Variants in LAIR1 observed in about 807,000 individuals in gnomAD.
LAIR1 encodes leukocyte-associated immunoglobulin-like receptor 1.
A neutral mutation model predicts 32.8 loss-of-function variants in LAIR1; 24 were observed. The ratio of observed to expected loss-of-function variants is 0.73; its 90% CI spans 0.53 to 1.03. LAIR1 has a LOEUF of 1.03. Ranked by LOEUF, LAIR1 falls within the 50% of genes least tolerant of loss-of-function variation. LAIR1 has a pLI of 0.00. For synonymous variants in LAIR1, 150 were observed against 140.5 expected, an observed-to-expected ratio of 1.07 and a Z score of -0.48; for missense variants, 355 against 347.5, an observed-to-expected ratio of 1.02 and a Z score of -0.17.
At chr19:54,357,110 G>C (rs1377868205) in intron 4 of LAIR1, 144 bp from the exon 5 acceptor site, 2 of 660,910 alleles carry the variant, frequency 3.0e-6, no homozygotes, top group Non-Finnish European at 5.2e-6. Flanking sequence ...CCGACCAGCA[G>C]AGTCTTCTGT....
At chr19:54,367,694 C>T (rs1276518287), upstream of LAIR1, among the ~76,000 whole-genome samples, 5 of 151,230 alleles carry the variant, frequency 3.3e-5, no homozygotes, top group East Asian at 3.9e-4. Context: ...TGCAGTGAGC[C>T]GAGATCGTGC....
In LAIR1 at chr19:54,356,476, G is replaced by A. The variant is rs935196793; in HGVS notation, c.583+15C>T. ...ACAGCTTCCCAGGTCACCCCACCCT[G>A]CCCCTGAGACCTACCCTGCTTTATC... On this transcript the variant is annotated intron_variant, in intron 6 of 9. Transcript: ENST00000391742. 5.0e-6 allele frequency: 8 copies of A among 1,613,624 alleles called. No individual in the cohort carries two copies. In the South Asian group the frequency reaches 7.7e-5, roughly 16 times the overall value.
chr19:54,367,922 G>A (rs1342445343), upstream of LAIR1, among the ~76,000 whole-genome samples: 11 of 149,574 alleles, frequency 7.4e-5, no homozygotes, highest in African/African-American at 1.2e-4. Context: ...ACAGGCGCCC[G>A]CCACCACGCC....
chr19:54,364,173 G>C lies in LAIR1; in HGVS notation c.70+122C>G, dbSNP rs907189919. The stretch of plus-strand genomic sequence containing the variant: ...ATGCATTTTACATTTGGAAGAGTTT[G>C]CAATCTAGGGTATATTTAAAGGGAT... On this transcript the variant is annotated intron_variant, in intron 2 of 9. Transcript: ENST00000391742. This position sits in a 1 kb window ranked among gnomAD's most constrained non-coding sequence, Gnocchi z 4.8. 1.8e-6 allele frequency: 2 copies of C among 1,137,468 alleles called. No individual in the cohort carries two copies. Among genetic ancestry groups the C allele is most frequent in the Non-Finnish European group, 2.6e-6 (2 of 776,466 alleles). The allele number at this position is 1,137,468 out of a possible 1,614,324, so 70.5% of individuals were successfully genotyped here. A position where few individuals can be genotyped will look rare whatever the true frequency, so the allele number is the denominator to read the frequency against.
Position 54,361,037 on chromosome 19 carries a change from C to T in LAIR1, c.243G>A (p.Glu81=), listed in dbSNP as rs2081995180. ...AGTCAATGCGGAATCTGGCCTCTGACTCAGATGGACTAGCTTGAGACACAT... is the reference window on the plus strand; with the variant it reads ...AGTCAATGCGGAATCTGGCCTCTGATTCAGATGGACTAGCTTGAGACACAT... ...TEDVSQASPS[E]SEARFRIDSV... The change falls in exon 3 of 10, where the codon GAG becomes GAA. Residue 81 remains glutamate, a synonymous_variant. Transcript: ENST00000391742. 1 of 1,614,130 alleles carries T rather than the reference C, an allele frequency of 6.2e-7. No homozygotes were observed. The highest frequency in any genetic ancestry group is 8.5e-7 in the Non-Finnish European group (1 of 1,180,058).
At chr19:54,358,282 A>G (rs1468049410) in intron 4 of LAIR1, 1 of 149,228 alleles carries the variant, frequency 6.7e-6, no homozygotes, top group African/African-American at 2.5e-5. Flanking sequence ...TTATTATACT[A>G]TATATTGTAA....
rs556934945 is a variant in LAIR1, at chr19:54,364,784, G to T, written c.21C>A (p.Ala7=). The change falls in exon 1 of 10, where the codon GCC becomes GCA. Residue 7 remains alanine, a synonymous_variant. Transcript: ENST00000391742. The surrounding 1 kb of genome is among the most constrained non-coding windows in gnomAD (Gnocchi z 4.8). Reference sequence around the variant, plus strand: ...TCCAGGACTCACCTAGGCCCAGGAGGGCGGTGGGGTGGGGAGACATGGCCC... The same window carrying T: ...TCCAGGACTCACCTAGGCCCAGGAGTGCGGTGGGGTGGGGAGACATGGCCC... MSPHPT[A]LLGLVLCLAQ... 6.2e-7 allele frequency: 1 copy of T among 1,614,046 alleles called. No homozygotes were observed. Among genetic ancestry groups the T allele is most frequent in the South Asian group, 1.1e-5 (1 of 91,076 alleles).
upstream of LAIR1, among the ~76,000 whole-genome samples, chr19:54,367,614 T>C (rs528147902): frequency 2.4e-3 from 366 of 150,234 alleles, no homozygotes; most frequent in Non-Finnish European, 3.2e-3. Context: ...GGCGTGGTGG[T>C]GGGCGCCTGT....
Position 54,364,377 on chromosome 19 carries a change from T to C in LAIR1, c.35-47A>G. 1.2e-6 allele frequency: 2 copies of C among 1,612,922 alleles called. No individual in the cohort carries two copies. Among genetic ancestry groups the C allele is most frequent in the Non-Finnish European group, 1.7e-6 (2 of 1,178,944 alleles). Reference sequence around the variant, plus strand: ...GAAAAATGCCCAGTGCCCAGTCTCCTTACGGGGCTGCTGTCAAAAGGGGGC... The same window carrying C: ...GAAAAATGCCCAGTGCCCAGTCTCCCTACGGGGCTGCTGTCAAAAGGGGGC... On this transcript the variant is annotated intron_variant, in intron 1 of 9. Transcript: ENST00000391742. The surrounding 1 kb of genome is among the most constrained non-coding windows in gnomAD (Gnocchi z 4.8).
chr19:54,371,283 GTA>G (rs369139805), upstream of LAIR1, among the ~76,000 whole-genome samples: 2 of 150,282 alleles, frequency 1.3e-5, no homozygotes, highest in Non-Finnish European at 1.5e-5. Context: ...ATATGTGTGT[GTA>G]TATATATATA....
At chr19:54,364,951 G>A (rs1331172296), upstream of LAIR1, 2 of 1,548,042 alleles carry the variant, frequency 1.3e-6, no homozygotes, top group Non-Finnish European at 1.7e-6. This position sits in a 1 kb window ranked among gnomAD's most constrained non-coding sequence, Gnocchi z 4.8. Flanking sequence ...AAGAGGAAGA[G>A]CTTTCTGTCC....
Position 54,364,928 on chromosome 19 carries a change from A to C in LAIR1, c.-124T>G. The stretch of plus-strand genomic sequence containing the variant: ...CTCCTGCCTATGGGGCTTCCACAGC[A>C]ACTGCCTCACACAAGAGGAAGAGCT... On this transcript the variant is annotated 5_prime_UTR_variant, in exon 1 of 10. Transcript: ENST00000391742. This position sits in a 1 kb window ranked among gnomAD's most constrained non-coding sequence, Gnocchi z 4.8. The C allele has an allele frequency of 6.3e-7, 1 of 1,584,712 alleles. No homozygotes were observed. The highest frequency in any genetic ancestry group is 8.6e-7 in the Non-Finnish European group (1 of 1,165,032).
chr19:54,366,345 G>C (rs1406400650), upstream of LAIR1, among the ~76,000 whole-genome samples: 1 of 152,200 alleles, frequency 6.6e-6, no homozygotes, highest in Non-Finnish European at 1.5e-5. Flanking sequence ...GAACAGCGAA[G>C]TCCAGGCTGA....
Position 54,355,982 on chromosome 19 carries a change from G to T in LAIR1, c.689C>A (p.Pro230His), listed in dbSNP as rs1432010384. ...GGTGTCCGTCTCTCTGTCCTTCTCA[G>T]GAAGTCCATTGACTGTGGCCTTGTC... Reference protein sequence around the residue: ...TADKATVNGLPEKDRETDTSA... With the variant: ...TADKATVNGLHEKDRETDTSA... The change falls in exon 9 of 10, where the codon CCT becomes CAT. Residue 230 changes from proline to histidine, a missense_variant. Coordinates refer to ENST00000391742, the MANE Select transcript of LAIR1 (RefSeq NM_002287.6). This position sits in a 1 kb window ranked among gnomAD's most constrained non-coding sequence, Gnocchi z 4.7. 6.2e-7 allele frequency: 1 copy of T among 1,609,994 alleles called. No homozygotes were observed. Among genetic ancestry groups the T allele is most frequent in the Non-Finnish European group, 8.5e-7 (1 of 1,176,178 alleles).
upstream of LAIR1, among the ~76,000 whole-genome samples, chr19:54,365,550 G>A (rs1199905957): frequency 1.3e-5 from 2 of 152,204 alleles, no homozygotes; most frequent in East Asian, 3.8e-4. Context: ...CAGCACTTCG[G>A]GAGGCCGGGG....
In LAIR1 at chr19:54,364,678, C is replaced by T. The variant is rs879147051; in HGVS notation, c.34+93G>A. On this transcript the variant is annotated intron_variant, in intron 1 of 9. Transcript: ENST00000391742. The surrounding 1 kb of genome is among the most constrained non-coding windows in gnomAD (Gnocchi z 4.8). ...TGGGAGGAGGAGGACACTTTCCTCC[C>T]CAGAATCTTCTGGACTAGAGTCAGG... 49 of 1,126,138 alleles carry T rather than the reference C, an allele frequency of 4.4e-5. No individual in the cohort carries two copies. The highest frequency in any genetic ancestry group is 3.8e-4 in the South Asian group (30 of 78,756). 69.8% of individuals were successfully genotyped at this position (1,126,138 alleles called of 1,614,324 possible). A position where few individuals can be genotyped will look rare whatever the true frequency, so the allele number is the denominator to read the frequency against.
At chr19:54,372,101 A>T (rs1173449133), upstream of LAIR1, among the ~76,000 whole-genome samples, 1 of 151,728 alleles carries the variant, frequency 6.6e-6, no homozygotes, top group Non-Finnish European at 1.5e-5. Context: ...TACTGTAAAG[A>T]TCCATATGAC....
chr19:54,373,430 C>T (rs748127700), upstream of LAIR1, among the ~76,000 whole-genome samples: 3 of 151,736 alleles, frequency 2.0e-5, no homozygotes, highest in South Asian at 2.1e-4. Context: ...GGTGACAGAG[C>T]GAGACTCCGT....
At chr19:54,357,682 G>C (rs190802516) in intron 4 of LAIR1, 3 of 152,240 alleles carry the variant, frequency 2.0e-5, no homozygotes, top group African/African-American at 7.2e-5. Context: ...TGGCTAAATG[G>C]GGTCCTGAGG....
Sources: allele counts gnomAD v4.1 joint callset (sites outside exome capture counted in the v4.1 genomes callset), GRCh38; gene constraint gnomAD v4.1.1; non-coding constraint Gnocchi (gnomAD v3.1); transcripts MANE v1.5; gene names NCBI Gene and HGNC (gene_info 2026-07-23, HGNC 2026-07-21).